Variants in DEPDC4 observed in about 807,000 individuals in gnomAD.
DEPDC4 encodes DEP domain containing 4.
Under a neutral mutation model 52.0 loss-of-function variants are expected in DEPDC4, and 52 were observed. The observed-to-expected ratio is 1.00, with a 90% CI of 0.80 to 1.26. The LOEUF (loss-of-function observed/expected upper bound fraction) is 1.26. Among genes scored for constraint, DEPDC4 ranks in the 50% most tolerant of loss-of-function variants. The probability of loss-of-function intolerance (pLI) is 0.00; values close to 1 mark genes in which losing one functional copy is unlikely to be tolerated. For missense variants in DEPDC4, 530 were observed against 546.9 expected (o/e 0.97, Z 0.31); for synonymous variants, 201 against 196.8 (o/e 1.02, Z -0.18).
At chr12:100,279,346 T>C in the DEPDC4 span, among the ~76,000 whole-genome samples, 1 of 152,236 alleles carries the variant, frequency 6.6e-6, no homozygotes, top group Non-Finnish European at 1.5e-5. Context: ...TAGGCAGTAA[T>C]GCTTGCTCGC....
chr12:100,275,019 C>A, the DEPDC4 span, among the ~76,000 whole-genome samples: 1 of 152,156 alleles, frequency 6.6e-6, no homozygotes, highest in Non-Finnish European at 1.5e-5. Flanking sequence ...TCTTCCAATT[C>A]ATGATCACAG....
Position 100,241,855 on chromosome 12 carries a change from AAAAAAAAAAAC to A in DEPDC4, c.*47-21_*47-11del. 1 of 1,197,506 alleles carries A rather than the reference AAAAAAAAAAAC, an allele frequency of 8.4e-7. No homozygotes were observed. Among genetic ancestry groups the A allele is most frequent in the Non-Finnish European group, 1.1e-6 (1 of 948,944 alleles). The allele number at this position is 1,197,506 out of a possible 1,614,324, so 74.2% of individuals were successfully genotyped here. ...TGGCAAAACGTAAAGCCTGGAAAAA[AAAAAAAAAAAC>A]AAAAGAAAAAGAAAAGTACCACTGG... On this transcript the variant is annotated splice_polypyrimidine_tract_variant and intron_variant, in intron 9 of 9. Coordinates refer to ENST00000550587, the MANE Select transcript of DEPDC4 (RefSeq NM_001364818.2).
chr12:100,281,694 C>T, the DEPDC4 span, among the ~76,000 whole-genome samples: 2 of 151,970 alleles, frequency 1.3e-5, no homozygotes, highest in Non-Finnish European at 2.9e-5. Context: ...ATTAGCCGGG[C>T]GTGGTAGCGG....
At chr12:100,236,092 T>C (rs1421266359), downstream of DEPDC4, among the ~76,000 whole-genome samples, 1 of 152,250 alleles carries the variant, frequency 6.6e-6, no homozygotes, top group East Asian at 1.9e-4. Flanking sequence ...CACTTGTTGA[T>C]TGATGGGCAT....
At chr12:100,231,855 G>T (rs911415944) in intron 9 of DEPDC4, among the ~76,000 whole-genome samples, 1 of 151,950 alleles carries the variant, frequency 6.6e-6, no homozygotes, top group Non-Finnish European at 1.5e-5. Context: ...TGAGGCGGGA[G>T]AGTCGCTTGA....
rs80207668 is a variant in DEPDC4 at position 100,252,474 on chromosome 12, T to A, written c.1168A>T (p.Asn390Tyr). The change falls in exon 6 of 10, where the codon AAC becomes TAC. Residue 390 changes from asparagine (N) to tyrosine (Y), a missense_variant. Physicochemically the swap from Asn to Tyr is moderately radical, Grantham distance 143. Transcript: ENST00000550587. ...AGCCGTCGTAATTCTTCTCTAATGTTCAGCAACAGCAATCTTAGATATAGT... is the reference window on the plus strand; with the variant it reads ...AGCCGTCGTAATTCTTCTCTAATGTACAGCAACAGCAATCTTAGATATAGT... ...TQLYLRLLLL[N>Y]IREELRRLLT... 1.2e-6 allele frequency: 2 copies of A among 1,608,662 alleles called. No individual in the cohort carries two copies. The highest frequency in any genetic ancestry group is 8.5e-7 in the Non-Finnish European group (1 of 1,179,852).
At chr12:100,234,591 A>T (rs1047136148) in intron 9 of DEPDC4, among the ~76,000 whole-genome samples, 4 of 151,498 alleles carry the variant, frequency 2.6e-5, no homozygotes, top group Admixed American at 6.6e-5. Flanking sequence ...GACTAGAAGA[A>T]GATTCAGGAG....
At chr12:100,255,640 G>A (rs749182464) in intron 4 of DEPDC4, among the ~76,000 whole-genome samples, 5 of 152,172 alleles carry the variant, frequency 3.3e-5, no homozygotes, top group East Asian at 3.9e-4. Flanking sequence ...AAATTAGGCC[G>A]ATTTTATGAT....
At chr12:100,275,836 G>A in the DEPDC4 span, among the ~76,000 whole-genome samples, 1 of 152,136 alleles carries the variant, frequency 6.6e-6, no homozygotes, top group African/African-American at 2.4e-5. Context: ...TATTTATCAG[G>A]TTGAGGAAGT....
In DEPDC4 at chr12:100,252,386, T is replaced by A. The variant is rs1443858933; in HGVS notation, c.1248+8A>T. ...AAAAATGGCAAAACTTATTGCAAAATTTTTCACCTGTTTTTGCAACTTGTA... is the reference window on the plus strand; with the variant it reads ...AAAAATGGCAAAACTTATTGCAAAAATTTTCACCTGTTTTTGCAACTTGTA... On this transcript the variant is annotated splice_region_variant and intron_variant, in intron 6 of 9. Coordinates refer to ENST00000550587, the MANE Select transcript of DEPDC4 (RefSeq NM_001364818.2). 1 of 1,540,510 alleles carries A rather than the reference T, an allele frequency of 6.5e-7. No homozygotes were observed. The highest frequency in any genetic ancestry group is 1.2e-5 in the South Asian group (1 of 82,640).
chr12:100,255,923 A>G, intron 4 of DEPDC4, 126 bp downstream of exon 4: 1 of 634,518 alleles, frequency 1.6e-6, no homozygotes, highest in East Asian at 2.8e-5. Flanking sequence ...ATTCATAATG[A>G]TAATTTATAA....
the DEPDC4 span, among the ~76,000 whole-genome samples, chr12:100,280,076 G>C: frequency 6.6e-6 from 1 of 152,112 alleles, no homozygotes; most frequent in Non-Finnish European, 1.5e-5. Context: ...GGGCAATCCT[G>C]GTTCTCTTGT....
upstream of DEPDC4, chr12:100,267,667 G>T (rs1278317858): frequency 6.6e-6 from 1 of 152,420 alleles, no homozygotes; most frequent in Admixed American, 6.5e-5. Flanking sequence ...GCCTTGAGGC[G>T]ACGGGAGACC....
At chr12:100,266,779 G>A in intron 1 of DEPDC4, 141 bp downstream of exon 1, 2 of 1,181,070 alleles carry the variant, frequency 1.7e-6, no homozygotes, top group South Asian at 3.2e-5. Flanking sequence ...CCCCAGTCCA[G>A]TGCCTGGTAG....
intron 3 of DEPDC4, among the ~76,000 whole-genome samples, chr12:100,257,135 A>G (rs1417036830): frequency 2.0e-5 from 3 of 151,754 alleles, no homozygotes; most frequent in Admixed American, 6.6e-5. Context: ...CTGGAGTGCA[A>G]TGGTGCAATC....
intron 9 of DEPDC4, among the ~76,000 whole-genome samples, chr12:100,232,202 GC>G (rs1373887163): frequency 6.6e-6 from 1 of 150,400 alleles, no homozygotes; most frequent in Non-Finnish European, 1.5e-5. Context: ...GACCAGCCTG[GC>G]CAACATGGTG....
the DEPDC4 span, among the ~76,000 whole-genome samples, chr12:100,279,485 G>T: frequency 6.6e-6 from 1 of 152,362 alleles, no homozygotes; most frequent in Non-Finnish European, 1.5e-5. Flanking sequence ...ATGTCTGATA[G>T]TTGTTGATTG....
At chr12:100,254,093 C>A (rs2096220959) in intron 4 of DEPDC4, among the ~76,000 whole-genome samples, 2 of 151,952 alleles carry the variant, frequency 1.3e-5, no homozygotes, top group Non-Finnish European at 2.9e-5. Context: ...TTCCCCAACC[C>A]AGATGAACTG....
At chr12:100,259,592 G>C (rs1232778554) in intron 3 of DEPDC4, among the ~76,000 whole-genome samples, 1 of 152,128 alleles carries the variant, frequency 6.6e-6, no homozygotes, top group African/African-American at 2.4e-5. Flanking sequence ...ATGCTGTATT[G>C]CTCTAATCAA....
Sources: gnomAD v4.1 joint callset for allele counts (sites outside exome capture counted in the v4.1 genomes callset) on GRCh38, gnomAD v4.1.1 for gene constraint, MANE v1.5 for transcripts, NCBI Gene and HGNC (gene_info 2026-07-23, HGNC 2026-07-21) for gene names.